The following WT1 variants were observed in gnomAD, a reference collection of about 807,000 sequenced individuals.
WT1 encodes the protein WT1 transcription factor.
A neutral mutation model predicts 60.8 loss-of-function variants in WT1; 8 were observed. The ratio of observed to expected loss-of-function variants is 0.13; its 90% CI spans 0.08 to 0.24. The LOEUF (loss-of-function observed/expected upper bound fraction) is 0.24, where lower values mean the gene tolerates loss of function less well. Ranked by LOEUF, WT1 falls within the 10% of genes least tolerant of loss-of-function variation. The pLI is 1.00. For missense variants in WT1, 568 were observed against 711.8 expected (o/e 0.80, Z 2.30); for synonymous variants, 312 against 297.1 (o/e 1.05, Z -0.52).
Position 32,387,963 on chromosome 11 carries a change from A to C in WT1, c.*1095T>G. The C allele has an allele frequency of 4.3e-6, 1 of 235,018 alleles. No homozygotes were observed. 14.6% of individuals were successfully genotyped at this position (235,018 alleles called of 1,614,324 possible). ...TTACACAGTAATTTCAAGCAACGGT[A>C]AATAATAAATTCCCTCCCTTAAAAA... On this transcript the variant is annotated 3_prime_UTR_variant, in exon 10 of 10. Coordinates refer to ENST00000452863, the MANE Select transcript of WT1 (RefSeq NM_024426.6).
chr11:32,404,048 C>A (rs904723800), intron 5 of WT1, among the ~76,000 whole-genome samples: 1 of 151,794 alleles, frequency 6.6e-6, no homozygotes, highest in Non-Finnish European at 1.5e-5. Flanking sequence ...CCGAGGCAGG[C>A]GGATCACGAG....
intron 6 of WT1, 115 bp from the exon 7 acceptor site, chr11:32,396,522 C>T (rs1229279549): frequency 2.2e-6 from 3 of 1,346,538 alleles, no homozygotes; most frequent in Admixed American, 3.8e-5. Context: ...CAGGTGCAGA[C>T]CTAAAACCAC....
At chr11:32,406,583 C>T (rs889102402) in intron 5 of WT1, among the ~76,000 whole-genome samples, 1 of 151,806 alleles carries the variant, frequency 6.6e-6, no homozygotes, top group African/African-American at 2.4e-5. Flanking sequence ...ATGGAAATGG[C>T]TGCTTATGTG....
chr11:32,395,123 T>C (rs1318040988), intron 7 of WT1, among the ~76,000 whole-genome samples: 1 of 152,240 alleles, frequency 6.6e-6, no homozygotes, highest in Non-Finnish European at 1.5e-5. Context: ...CAAATTTCAA[T>C]GGTCCAAGGA....
rs2132920912 is a variant in WT1 at position 32,392,724 on chromosome 11, G to A, written c.1296C>T (p.Asp432=). ...CTGAACGAGAAAACCTTCGTTCACA[G>A]TCCTTGAAGTCACACTGGTATGGTT... The change falls in exon 8 of 10, where the codon GAC becomes GAT. Residue 432 remains aspartate (D), a synonymous_variant. Coordinates refer to ENST00000452863, the MANE Select transcript of WT1 (RefSeq NM_024426.6). The A allele has an allele frequency of 6.2e-7, 1 of 1,614,040 alleles. No individual in the cohort carries two copies. Among genetic ancestry groups the A allele is most frequent in the Non-Finnish European group, 8.5e-7 (1 of 1,179,926 alleles).
chr11:32,404,234 A>C (rs1249778076), intron 5 of WT1, among the ~76,000 whole-genome samples: 1 of 141,908 alleles, frequency 7.0e-6, no homozygotes, highest in South Asian at 2.2e-4. Flanking sequence ...GTGCCATTGC[A>C]CTCCAGCCTG....
chr11:32,425,215 AG>A, intron 3 of WT1, among the ~76,000 whole-genome samples: 1 of 151,110 alleles, frequency 6.6e-6, no homozygotes. Context: ...GGGAAGAAAA[AG>A]TTTGGTGAGG....
intron 5 of WT1, among the ~76,000 whole-genome samples, chr11:32,407,332 A>G (rs1379614776): frequency 6.6e-6 from 1 of 152,192 alleles, no homozygotes; most frequent in African/African-American, 2.4e-5. Flanking sequence ...CCACAGGCAC[A>G]TGAAGATTAA....
chr11:32,413,909 C>T (rs563941278), intron 5 of WT1, among the ~76,000 whole-genome samples: 2 of 152,246 alleles, frequency 1.3e-5, no homozygotes, highest in African/African-American at 2.4e-5. Context: ...ACTATGTGAC[C>T]TTGGTTAGAT....
Position 32,427,957 on chromosome 11 carries a change from T to A in WT1, c.886A>T (p.Ser296Cys). 4.4e-6 allele frequency: 7 copies of A among 1,608,988 alleles called. No individual in the cohort carries two copies. Among genetic ancestry groups the A allele is most frequent in the Non-Finnish European group, 5.9e-6 (7 of 1,177,924 alleles). Residue 296 changes from serine (S) to cysteine (C), a missense_variant and splice_region_variant, in exon 3 of 10, where the codon AGT (serine) becomes TGT (cysteine). Coordinates refer to ENST00000452863, the MANE Select transcript of WT1 (RefSeq NM_024426.6). The stretch of plus-strand genomic sequence containing the variant: ...ACGCAGAGCCCAGCGCCTTCCTACC[T>A]GCTGTAGGGCGTCCTCAGCAGCAAA...
At position 32,388,164 on chromosome 11, in the gene WT1, A is replaced by G; in HGVS notation, c.*894T>C. 8.6e-6 allele frequency: 2 copies of G among 233,616 alleles called. No homozygotes were observed. The highest frequency in any genetic ancestry group is 1.7e-5 in the Non-Finnish European group (2 of 118,150). 14.5% of individuals were successfully genotyped at this position (233,616 alleles called of 1,614,324 possible). On this transcript the variant is annotated 3_prime_UTR_variant, in exon 10 of 10. Coordinates refer to ENST00000452863, the MANE Select transcript of WT1 (RefSeq NM_024426.6). ...CAGTGGAGATCCTGGACCATCCCCT[A>G]TTTTCTTTTAAAGTCACTTTCATTT... is the stretch of plus-strand genomic sequence containing the variant.
In WT1 at chr11:32,434,987, C is replaced by T. The variant is rs1853454967; in HGVS notation, c.374G>A (p.Gly125Asp). 3 of 1,511,752 alleles carry T rather than the reference C, an allele frequency of 2.0e-6. No homozygotes were observed. The highest frequency in any genetic ancestry group is 2.6e-6 in the Non-Finnish European group (3 of 1,137,854). The allele number at this position is 1,511,752 out of a possible 1,614,324, so 93.6% of individuals were successfully genotyped here. ...CGGAGCCGGTGGCGGCGCGGGGCCGCCCAACGACCCGTAAGCCGAAGCGCC... is the reference window on the plus strand; with the variant it reads ...CGGAGCCGGTGGCGGCGCGGGGCCGTCCAACGACCCGTAAGCCGAAGCGCC... The change falls in exon 1 of 10, where the codon GGC (glycine) becomes GAC (aspartate). Residue 125 changes from glycine (G) to aspartate (D), a missense_variant. This residue lies in a region of WT1 where 523 missense variants were observed against 565.1 expected (regional missense o/e 0.93). Transcript: ENST00000452863.
At chr11:32,390,047 T>C (rs953113711) in intron 9 of WT1, among the ~76,000 whole-genome samples, 2 of 152,184 alleles carry the variant, frequency 1.3e-5, no homozygotes, top group Non-Finnish European at 2.9e-5. Flanking sequence ...AGGACATCTA[T>C]TGAGGGCAGA....
At chr11:32,425,028 A>C (rs1852981096) in intron 3 of WT1, among the ~76,000 whole-genome samples, 1 of 152,104 alleles carries the variant, frequency 6.6e-6, no homozygotes, top group Non-Finnish European at 1.5e-5. Context: ...AAATACAAAA[A>C]TTAGCTGGGC....
intron 3 of WT1, among the ~76,000 whole-genome samples, chr11:32,422,222 A>G (rs1471105709): frequency 6.6e-6 from 1 of 152,206 alleles, no homozygotes; most frequent in Non-Finnish European, 1.5e-5. Context: ...CTCTCTTGGT[A>G]TTGTAATTTC....
chr11:32,430,850 G>C, intron 1 of WT1: 1 of 1,249,488 alleles, frequency 8.0e-7, no homozygotes, highest in Non-Finnish European at 1.0e-6. Flanking sequence ...TTAATTAGAA[G>C]CTTATCGGAC....
chr11:32,414,319 C>T (rs2133022457), intron 5 of WT1, among the ~76,000 whole-genome samples: 1 of 152,340 alleles, frequency 6.6e-6, no homozygotes, highest in Non-Finnish European at 1.5e-5. Context: ...ATCGCCCAGG[C>T]TGGAATGCAG....
chr11:32,396,106 C>T, intron 7 of WT1, 151 bp downstream of exon 7: 1 of 1,100,968 alleles, frequency 9.1e-7, no homozygotes, highest in South Asian at 1.3e-5. Flanking sequence ...GCAAAATGGC[C>T]CCACAGCCTC....
chr11:32,428,830 C>A, intron 1 of WT1: 1 of 687,226 alleles, frequency 1.5e-6, no homozygotes, highest in Non-Finnish European at 2.5e-6. Flanking sequence ...CTTCTCCATC[C>A]TTTTCTGACT....
Sources: gnomAD v4.1 joint callset for allele counts (sites outside exome capture counted in the v4.1 genomes callset) on GRCh38, gnomAD v4.1.1 for gene constraint, gnomAD v4.1.1 regional missense constraint, MANE v1.5 for transcripts, NCBI Gene and HGNC (gene_info 2026-07-23, HGNC 2026-07-21) for gene names.